The following GSTCD variants were observed in gnomAD, a reference collection of about 807,000 sequenced individuals.
The protein encoded by GSTCD is glutathione S-transferase C-terminal domain-containing protein.
Under a neutral mutation model 68.3 loss-of-function variants are expected in GSTCD, and 44 were observed. The ratio of observed to expected loss-of-function variants is 0.64; its 90% CI spans 0.51 to 0.83. GSTCD has a LOEUF of 0.83. Among genes scored for constraint, GSTCD ranks in the 40% least tolerant of loss-of-function variants. The pLI is 0.00. For missense variants in GSTCD, 739 were observed against 735.9 expected (o/e 1.00, Z -0.05); for synonymous variants, 273 against 255.2 (o/e 1.07, Z -0.67).
chr4:105,844,090 G>T (rs1724461169), intron 11 of GSTCD, among the ~76,000 whole-genome samples: 1 of 152,106 alleles, frequency 6.6e-6, no homozygotes, highest in Admixed American at 6.5e-5. Context: ...TCTACATAAT[G>T]GAAAAGGAAA....
chr4:105,722,500 C>T (rs1732889591), intron 3 of GSTCD, among the ~76,000 whole-genome samples: 1 of 151,996 alleles, frequency 6.6e-6, no homozygotes, highest in African/African-American at 2.4e-5. Context: ...TCTGCTTACA[C>T]TGCTCACCTA....
At chr4:105,840,653 A>G (rs547577203) in intron 10 of GSTCD, among the ~76,000 whole-genome samples, 5 of 152,306 alleles carry the variant, frequency 3.3e-5, no homozygotes, top group Admixed American at 6.5e-5. Flanking sequence ...CTTCATTTCA[A>G]CTCTGCCTAA....
intron 5 of GSTCD, among the ~76,000 whole-genome samples, chr4:105,731,244 G>C (rs1379363721): frequency 6.6e-6 from 1 of 152,174 alleles, no homozygotes; most frequent in Non-Finnish European, 1.5e-5. Flanking sequence ...GAACTTTAAA[G>C]TAGTTTTTTC....
intron 5 of GSTCD, among the ~76,000 whole-genome samples, chr4:105,772,604 A>G (rs982363154): frequency 1.3e-5 from 2 of 152,130 alleles, no homozygotes; most frequent in Non-Finnish European, 2.9e-5. Flanking sequence ...TTCTGCATCT[A>G]TTGAGATAAT....
At chr4:105,796,078 C>G (rs1231580236) in intron 5 of GSTCD, among the ~76,000 whole-genome samples, 3 of 152,182 alleles carry the variant, frequency 2.0e-5, no homozygotes, top group Non-Finnish European at 4.4e-5. Context: ...ATACCCGAGA[C>G]TGGATAATTT....
chr4:105,749,950 A>G (rs1395019224), intron 5 of GSTCD, among the ~76,000 whole-genome samples: 1 of 152,230 alleles, frequency 6.6e-6, no homozygotes, highest in South Asian at 2.1e-4. Flanking sequence ...GGATCAAGAT[A>G]TATAAAGAGT....
intron 5 of GSTCD, among the ~76,000 whole-genome samples, chr4:105,812,399 C>G (rs1365678523): frequency 1.3e-5 from 2 of 151,970 alleles, no homozygotes; most frequent in Non-Finnish European, 2.9e-5. Context: ...CAGGGTCTCA[C>G]TGTGTTGACC....
intron 8 of GSTCD, among the ~76,000 whole-genome samples, chr4:105,826,853 A>G (rs890836587): frequency 8.5e-5 from 13 of 152,156 alleles, no homozygotes; most frequent in Non-Finnish European, 1.8e-4. Flanking sequence ...GTGGTTGTCT[A>G]GGTAGAACTT....
At chr4:105,807,289 A>G (rs571759548) in intron 5 of GSTCD, 1 of 152,188 alleles carries the variant, frequency 6.6e-6, no homozygotes, top group Non-Finnish European at 1.5e-5. Flanking sequence ...TCTCCTAAGA[A>G]AAAGGGCATT....
At chr4:105,825,855 TGC>T in intron 8 of GSTCD, 55 bp downstream of exon 8, 1 of 1,045,500 alleles carries the variant, frequency 9.6e-7, no homozygotes, top group Non-Finnish European at 1.4e-6. Context: ...AAAAATTACA[TGC>T]CTTAGAGTAA....
chr4:105,719,799 T>C (rs1470559912), intron 3 of GSTCD, among the ~76,000 whole-genome samples: 1 of 152,220 alleles, frequency 6.6e-6, no homozygotes, highest in Non-Finnish European at 1.5e-5. Flanking sequence ...CTATGACTTT[T>C]AATGTGAAGT....
At chr4:105,834,129 A>G (rs2149283555) in intron 8 of GSTCD, among the ~76,000 whole-genome samples, 1 of 152,320 alleles carries the variant, frequency 6.6e-6, no homozygotes, top group African/African-American at 2.4e-5. Context: ...GCTAAATTTT[A>G]AGTGGCTCAG....
chr4:105,745,331 G>A (rs1389830235), intron 5 of GSTCD, among the ~76,000 whole-genome samples: 7 of 152,162 alleles, frequency 4.6e-5, no homozygotes, highest in Admixed American at 1.3e-4. Context: ...TGAATTCTAT[G>A]AAGAATGAAA....
At chr4:105,818,493 A>T (rs1723117113) in intron 5 of GSTCD, among the ~76,000 whole-genome samples, 1 of 151,886 alleles carries the variant, frequency 6.6e-6, no homozygotes, top group Admixed American at 6.6e-5. Context: ...AAATATCGAA[A>T]GTAGCAGATG....
intron 7 of GSTCD, among the ~76,000 whole-genome samples, chr4:105,825,468 A>G (rs903846893): frequency 4.6e-5 from 7 of 152,062 alleles, no homozygotes; most frequent in Non-Finnish European, 7.4e-5. Context: ...TTATATCACT[A>G]TGCTTCAAAG....
intron 7 of GSTCD, 98 bp from the exon 8 acceptor site, chr4:105,825,574 G>A (rs1207425485): frequency 1.1e-5 from 8 of 699,258 alleles, no homozygotes; most frequent in Admixed American, 9.6e-5. Flanking sequence ...AATATAATAC[G>A]TTCTACATTA....
intron 5 of GSTCD, among the ~76,000 whole-genome samples, chr4:105,765,985 G>A (rs1487423625): frequency 6.6e-6 from 1 of 152,170 alleles, no homozygotes; most frequent in Non-Finnish European, 1.5e-5. Flanking sequence ...ACAGTTCTTT[G>A]TAGCAGCGTG....
rs527519301 is a variant in GSTCD, at chr4:105,833,000, G to A, written c.1531-1461G>A. ...TTTCAGAGTGAAACAAGAAAGGTGGGATGACAGCAACATGGAGATTGTTGA... is the reference window on the plus strand; with the variant it reads ...TTTCAGAGTGAAACAAGAAAGGTGGAATGACAGCAACATGGAGATTGTTGA... On this transcript the variant is annotated intron_variant, in intron 8 of 11. Transcript: ENST00000515279. Among the ~76,000 whole-genome samples, 4 of 152,324 alleles carry A rather than the reference G, an allele frequency of 2.6e-5. No homozygotes were observed. In the East Asian group the frequency reaches 7.7e-4, roughly 29 times the overall value.
intron 5 of GSTCD, among the ~76,000 whole-genome samples, chr4:105,811,279 T>C (rs574496592): frequency 6.6e-6 from 1 of 152,116 alleles, no homozygotes; most frequent in Non-Finnish European, 1.5e-5. Context: ...CCTCTTAGTA[T>C]CTTGAGAGAC....
Sources: gnomAD v4.1 joint callset for allele counts (sites outside exome capture counted in the v4.1 genomes callset) on GRCh38, gnomAD v4.1.1 for gene constraint, MANE v1.5 for transcripts, NCBI Gene and HGNC (gene_info 2026-07-23, HGNC 2026-07-21) for gene names.